Variants in SYNE2 observed in about 807,000 individuals in gnomAD.
SYNE2 encodes the protein spectrin repeat containing nuclear envelope protein 2, also known as nesprin-2.
A neutral mutation model predicts 856.3 loss-of-function variants in SYNE2; 431 were observed. The observed-to-expected ratio is 0.50, with a 90% CI of 0.47 to 0.55. SYNE2 has a LOEUF of 0.55. Among genes scored for constraint, SYNE2 ranks in the 20% least tolerant of loss-of-function variants. The probability of loss-of-function intolerance (pLI) is 0.00; values close to 1 mark genes in which losing one functional copy is unlikely to be tolerated. For missense variants in SYNE2, 8,129 were observed against 8,023.2 expected, an observed-to-expected ratio of 1.01 and a Z score of -0.50; for synonymous variants, 2,923 against 2,872.3, an observed-to-expected ratio of 1.02 and a Z score of -0.56.
intron 23 of SYNE2, among the ~76,000 whole-genome samples, chr14:63,996,357 C>A (rs572977094): frequency 6.6e-6 from 1 of 152,298 alleles, no homozygotes; most frequent in East Asian, 1.9e-4. Flanking sequence ...CGTACCAGCA[C>A]CAGAGTTGTC....
At chr14:63,818,401 C>G (rs1889089080) in intron 1 of SYNE2, among the ~76,000 whole-genome samples, 1 of 151,238 alleles carries the variant, frequency 6.6e-6, no homozygotes, top group Non-Finnish European at 1.5e-5. Context: ...GTCTGTAGTC[C>G]CAGCTACTCG....
chr14:63,856,962 G>T (rs951949320), intron 1 of SYNE2, among the ~76,000 whole-genome samples: 7 of 152,024 alleles, frequency 4.6e-5, no homozygotes, highest in Non-Finnish European at 1.0e-4. Flanking sequence ...TAGAGAAGAG[G>T]TCTCACCATG....
intron 1 of SYNE2, among the ~76,000 whole-genome samples, chr14:63,795,561 CTAGAG>C (rs1345069351): frequency 6.6e-6 from 1 of 152,114 alleles, no homozygotes; most frequent in Non-Finnish European, 1.5e-5. Flanking sequence ...TTCTGTCCCT[CTAGAG>C]AACTAATACA....
Position 63,822,062 on chromosome 14 carries a change from G to A in SYNE2, c.-304-30439G>A, listed in dbSNP as rs570302683. ...AAAAATTAGCTGGGCATTGTGGCACGTGCCTGTATTCCCAGCTATTTAGGA... is the reference window on the plus strand; with the variant it reads ...AAAAATTAGCTGGGCATTGTGGCACATGCCTGTATTCCCAGCTATTTAGGA... On this transcript the variant is annotated intron_variant, in intron 1 of 23. Coordinates refer to the SYNE2 transcript ENST00000674003. Among the ~76,000 whole-genome samples the A allele has an allele frequency of 7.3e-5, 11 of 151,658 alleles. No individual in the cohort carries two copies. The South Asian group carries it at 1.5e-3, about 20-fold the overall frequency.
intron 87 of SYNE2, among the ~76,000 whole-genome samples, chr14:64,160,749 G>A (rs2098323038): frequency 6.6e-6 from 1 of 152,070 alleles, no homozygotes; most frequent in Non-Finnish European, 1.5e-5. Flanking sequence ...TATTCCCAAA[G>A]CCTTACAAAT....
chr14:63,924,834 G>GTTTTTTTTTTTTT (rs1160819887), intron 2 of SYNE2, among the ~76,000 whole-genome samples: 8 of 56,454 alleles, frequency 1.4e-4, no homozygotes, highest in East Asian at 4.3e-4. Context: ...CAGCCTTGGT[G>GTTTTTTTTTTTTT]TTTTTTTTTT....
intron 58 of SYNE2, among the ~76,000 whole-genome samples, 193 bp from the exon 59 acceptor site, chr14:64,089,369 GAAAAAAAAAAAA>G (rs57358817): frequency 1.5e-3 from 76 of 50,476 alleles, no homozygotes; most frequent in South Asian, 0.011. Flanking sequence ...TCCGTCTCAG[GAAAAAAAAAAAA>G]AAAAAAAAAA....
In SYNE2 at chr14:64,087,721, T is replaced by C. The variant is rs753210962; in HGVS notation, c.11535T>C (p.Phe3845=). Residue 3845 remains phenylalanine, a synonymous_variant, in exon 58 of 116, where the codon TTT becomes TTC. Transcript: ENST00000555002. The stretch of plus-strand genomic sequence containing the variant: ...AGCACAATCTTTTACATTCAATCTT[T>C]ATGGATCTAGAAGACCTGTCAATAA... ...EQKHNLLHSI[F]MDLEDLSIIF... 6.2e-7 allele frequency: 1 copy of C among 1,614,208 alleles called. No homozygotes were observed.
At position 64,003,317 on chromosome 14, in the gene SYNE2, G is replaced by C; in HGVS notation, c.4384G>C (p.Ala1462Pro). Residue 1462 changes from alanine to proline, a missense_variant, in exon 30 of 116, where the codon GCT becomes CCT. Ala to Pro is a conservative substitution (Grantham distance 27). This residue lies in a region of SYNE2 where 2,422 missense variants were observed against 2,357.4 expected (regional missense o/e 1.03). Coordinates refer to ENST00000555002, the MANE Select transcript of SYNE2 (RefSeq NM_182914.3). Reference protein sequence around the residue: ...KIGLKDPTVPAVKHRKKSLIR... With the variant: ...KIGLKDPTVPPVKHRKKSLIR... ...TGGTCTTAAGGATCCTACTGTTCCAGCTGTGAAACATCGGTAAGTATTGTC... is the reference window on the plus strand; with the variant it reads ...TGGTCTTAAGGATCCTACTGTTCCACCTGTGAAACATCGGTAAGTATTGTC... The C allele has an allele frequency of 6.2e-7, 1 of 1,614,072 alleles. No individual in the cohort carries two copies. Among genetic ancestry groups the C allele is most frequent in the East Asian group, 2.2e-5 (1 of 44,874 alleles).
At chr14:63,839,360 TA>T (rs1259039447) in intron 1 of SYNE2, among the ~76,000 whole-genome samples, 2 of 152,118 alleles carry the variant, frequency 1.3e-5, no homozygotes, top group Non-Finnish European at 2.9e-5. Flanking sequence ...GTCTAACGGG[TA>T]AAAACGTTAC....
At position 64,087,869 on chromosome 14, in the gene SYNE2, C is replaced by T. The variant is rs952859426; in HGVS notation, c.11670+13C>T. The T allele has an allele frequency of 6.2e-7, 1 of 1,613,054 alleles. No individual in the cohort carries two copies. The highest frequency in any genetic ancestry group is 1.3e-5 in the African/African-American group (1 of 74,906). On this transcript the variant is annotated intron_variant, in intron 58 of 115. Coordinates refer to ENST00000555002, the MANE Select transcript of SYNE2 (RefSeq NM_182914.3). The stretch of plus-strand genomic sequence containing the variant: ...GCGAATGGCTGATGTAAGTTTGCAC[C>T]ATTCATTTAATCATTCAGGATTAAA...
intron 55 of SYNE2, among the ~76,000 whole-genome samples, chr14:64,078,979 C>T (rs147677296): frequency 5.7e-4 from 87 of 152,084 alleles, no homozygotes; most frequent in Middle Eastern, 3.4e-3. Context: ...GGCTGAGGCA[C>T]GAAAATCACT....
At chr14:64,202,317 A>G in intron 99 of SYNE2, 1 of 702,250 alleles carries the variant, frequency 1.4e-6, no homozygotes, top group South Asian at 1.5e-5. Context: ...GTCCCATGAG[A>G]GGCCTTGTGG....
Position 64,126,494 on chromosome 14 carries a change from A to C in SYNE2, c.13707+15A>C. On this transcript the variant is annotated intron_variant, in intron 72 of 115. Transcript: ENST00000555002. ...TGCACTACGAGGTAGGGCACTTCTC[A>C]CGAGCCCATGTGTTGGCCATTACAG... 6.2e-7 allele frequency: 1 copy of C among 1,614,120 alleles called. No homozygotes were observed. The highest frequency in any genetic ancestry group is 1.1e-5 in the South Asian group (1 of 91,086).
At position 64,090,953 on chromosome 14, in the gene SYNE2, A is replaced by G. The variant is rs760663583; in HGVS notation, c.11881A>G (p.Met3961Val). The G allele has an allele frequency of 3.1e-6, 5 of 1,614,150 alleles. No individual in the cohort carries two copies. The highest frequency in any genetic ancestry group is 2.2e-5 in the East Asian group (1 of 44,874). Reference sequence around the variant, plus strand: ...GGAACTGAGGTTGCCCCAAACAGGAATGAAACCTCTGCCTGTGTTTCAGCG... The same window carrying G: ...GGAACTGAGGTTGCCCCAAACAGGAGTGAAACCTCTGCCTGTGTTTCAGCG... Reference protein sequence around the residue: ...QVELRLPQTGMKPLPVFQRTN... With the variant: ...QVELRLPQTGVKPLPVFQRTN... Residue 3961 changes from methionine to valine, a missense_variant, in exon 60 of 116, where the codon ATG (methionine) becomes GTG (valine). Physicochemically the swap from Met to Val is conservative, Grantham distance 21. Coordinates refer to ENST00000555002, the MANE Select transcript of SYNE2 (RefSeq NM_182914.3).
intron 83 of SYNE2, 94 bp downstream of exon 83, chr14:64,144,042 T>G (rs2098162144): frequency 6.9e-7 from 1 of 1,446,842 alleles, no homozygotes. Context: ...GTTGACTGAT[T>G]ATTAAGCCTA....
At chr14:63,823,606 C>T (rs1264498250) in intron 1 of SYNE2, among the ~76,000 whole-genome samples, 4 of 148,950 alleles carry the variant, frequency 2.7e-5, no homozygotes, top group Non-Finnish European at 5.9e-5. Context: ...CAGACAAAAA[C>T]ACCACATGGA....
At chr14:63,768,900 A>T (rs1886788262) in intron 1 of SYNE2, among the ~76,000 whole-genome samples, 1 of 151,858 alleles carries the variant, frequency 6.6e-6, no homozygotes. Flanking sequence ...TAGATGATGA[A>T]GAACAAAACA....
At chr14:63,916,209 G>A (rs976551151) in intron 2 of SYNE2, among the ~76,000 whole-genome samples, 2 of 152,104 alleles carry the variant, frequency 1.3e-5, no homozygotes, top group African/African-American at 4.8e-5. Context: ...ACCAAAATAT[G>A]ACCAAAAATG....
Sources: gnomAD v4.1 joint callset for allele counts (sites outside exome capture counted in the v4.1 genomes callset) on GRCh38, gnomAD v4.1.1 for gene constraint, gnomAD v4.1.1 regional missense constraint, MANE v1.5 for transcripts, NCBI Gene and HGNC (gene_info 2026-07-23, HGNC 2026-07-21) for gene names.